INPP4B: variants seen among roughly 807,000 people sequenced by gnomAD.
INPP4B encodes the protein inositol polyphosphate 4-phosphatase type II.
Under a neutral mutation model 122.5 loss-of-function variants are expected in INPP4B, and 55 were observed. The ratio of observed to expected loss-of-function variants is 0.45; its 90% CI spans 0.36 to 0.56. INPP4B has a LOEUF of 0.56. INPP4B is among the 20% of genes least tolerant of loss of function. INPP4B has a pLI of 0.00. For synonymous variants in INPP4B, 403 were observed against 388.7 expected (o/e 1.04, Z -0.43); for missense variants, 1,000 against 1,097.7 (o/e 0.91, Z 1.26).
At chr4:142,268,200 G>A (rs1743778573) in intron 10 of INPP4B, among the ~76,000 whole-genome samples, 1 of 150,842 alleles carries the variant, frequency 6.6e-6, no homozygotes, top group African/African-American at 2.4e-5. Flanking sequence ...GCGGGTCCCT[G>A]TAGTCCCAGC....
chr4:142,207,015 T>C (rs1842859603), intron 14 of INPP4B, among the ~76,000 whole-genome samples: 1 of 152,146 alleles, frequency 6.6e-6, no homozygotes, highest in African/African-American at 2.4e-5. Flanking sequence ...TGAGTTTGAC[T>C]ATTTTAGATT....
chr4:142,488,881 C>A (rs897466550), intron 2 of INPP4B, among the ~76,000 whole-genome samples: 12 of 151,550 alleles, frequency 7.9e-5, no homozygotes, highest in Non-Finnish European at 1.8e-4. Flanking sequence ...TTTATTATTT[C>A]TTTCTTCAGC....
chr4:142,089,437 CCACACACACACACACACACA>C (rs36203495), intron 23 of INPP4B, among the ~76,000 whole-genome samples: 63 of 141,600 alleles, frequency 4.4e-4, no homozygotes, highest in Middle Eastern at 3.8e-3. Context: ...GATGTTCTCA[CCACACACACACACACACACA>C]CACACACACA....
chr4:142,078,214 T>C (rs1189177774), intron 25 of INPP4B, among the ~76,000 whole-genome samples: 1 of 151,936 alleles, frequency 6.6e-6, no homozygotes, highest in East Asian at 1.9e-4. Flanking sequence ...TTTTTGACAA[T>C]TGTACAAAGG....
chr4:142,084,795 C>G lies in INPP4B; in HGVS notation c.2487+1349G>C, dbSNP rs556925067. ...ACTAAAATACACATTTGTGTTTATA[C>G]ATGTGTATCCTTAATTTATCTATTT... On this transcript the variant is annotated intron_variant, in intron 24 of 25. Transcript: ENST00000262992. 3.9e-4 allele frequency among the ~76,000 whole-genome samples: 59 copies of G among 152,162 alleles called. 1 individual carries two copies. The South Asian group carries it at 0.012, about 32-fold the overall frequency.
chr4:142,029,320 AATTT>A (rs1254218361), intron 25 of INPP4B: 19 of 985,398 alleles, frequency 1.9e-5, no homozygotes, highest in Non-Finnish European at 2.2e-5. Flanking sequence ...TAAGGCATTT[AATTT>A]ATTAAGTCTG....
chr4:142,283,634 C>T (rs959411217), intron 9 of INPP4B, among the ~76,000 whole-genome samples: 6 of 152,094 alleles, frequency 3.9e-5, no homozygotes, highest in Non-Finnish European at 7.4e-5. Context: ...AATTATAACA[C>T]AATGGTTAGT....
chr4:142,033,393 T>A, intron 25 of INPP4B, among the ~76,000 whole-genome samples: 1 of 152,114 alleles, frequency 6.6e-6, no homozygotes, highest in Middle Eastern at 3.4e-3. Flanking sequence ...CAAGGCAGGG[T>A]TGGAAGGAGT....
chr4:142,701,541 G>C (rs187859568), intron 2 of INPP4B, among the ~76,000 whole-genome samples: 1 of 151,764 alleles, frequency 6.6e-6, no homozygotes, highest in Non-Finnish European at 1.5e-5. Context: ...AAAGAAAAAG[G>C]GATTTGTCTT....
chr4:142,360,369 G>A (rs906997695), intron 7 of INPP4B, among the ~76,000 whole-genome samples: 1 of 151,886 alleles, frequency 6.6e-6, no homozygotes. Flanking sequence ...GAAGAGGGTG[G>A]TTACCTAAAA....
At chr4:142,562,968 C>A (rs1257207429) in intron 2 of INPP4B, among the ~76,000 whole-genome samples, 2 of 152,134 alleles carry the variant, frequency 1.3e-5, no homozygotes, top group Non-Finnish European at 2.9e-5. Context: ...TAGGGTTCAA[C>A]ACACAAACTT....
intron 14 of INPP4B, among the ~76,000 whole-genome samples, chr4:142,206,774 T>C (rs1384583656): frequency 2.0e-5 from 3 of 152,062 alleles, no homozygotes; most frequent in Non-Finnish European, 4.4e-5. Context: ...CTCTTTAATA[T>C]TACTATTATT....
intron 17 of INPP4B, among the ~76,000 whole-genome samples, chr4:142,149,620 G>A (rs1812706654): frequency 6.6e-6 from 1 of 152,160 alleles, no homozygotes. Flanking sequence ...CACTTTACAG[G>A]AGCAAGACTA....
intron 10 of INPP4B, among the ~76,000 whole-genome samples, chr4:142,268,133 C>T (rs573054503): frequency 6.6e-6 from 1 of 151,220 alleles, no homozygotes; most frequent in African/African-American, 2.4e-5. Flanking sequence ...ACCATCCTGG[C>T]TAACACGGTG....
chr4:142,252,034 C>A (rs1339163268), intron 11 of INPP4B, among the ~76,000 whole-genome samples: 1 of 152,224 alleles, frequency 6.6e-6, no homozygotes, highest in Non-Finnish European at 1.5e-5. Flanking sequence ...GATTTAAATT[C>A]TGGACCCACT....
chr4:142,551,400 G>A (rs1443342039), intron 2 of INPP4B, among the ~76,000 whole-genome samples: 1 of 152,182 alleles, frequency 6.6e-6, no homozygotes, highest in African/African-American at 2.4e-5. Flanking sequence ...TTCTAGGACT[G>A]CACAGAAATA....
At chr4:142,098,219 G>A (rs1782840995) in intron 23 of INPP4B, among the ~76,000 whole-genome samples, 1 of 152,124 alleles carries the variant, frequency 6.6e-6, no homozygotes, top group Admixed American at 6.6e-5. Context: ...GCAGAAGTCA[G>A]TGTGGAGCAG....
chr4:142,533,086 C>A (rs1827809867), intron 2 of INPP4B, among the ~76,000 whole-genome samples: 1 of 152,110 alleles, frequency 6.6e-6, no homozygotes, highest in African/African-American at 2.4e-5. Context: ...CATTCCAGTA[C>A]TATAGTGCCC....
At chr4:142,217,708 C>T (rs1847876429) in intron 12 of INPP4B, among the ~76,000 whole-genome samples, 1 of 152,176 alleles carries the variant, frequency 6.6e-6, no homozygotes, top group Non-Finnish European at 1.5e-5. Flanking sequence ...CTGAGTGTTT[C>T]CATGAGGAGA....
Sources: gnomAD v4.1 joint callset for allele counts (sites outside exome capture counted in the v4.1 genomes callset) on GRCh38, gnomAD v4.1.1 for gene constraint, MANE v1.5 for transcripts, NCBI Gene and HGNC (gene_info 2026-07-23, HGNC 2026-07-21) for gene names.